The following HIPK2 variants were observed in gnomAD, a reference collection of about 807,000 sequenced individuals.
The protein encoded by HIPK2 is homeodomain interacting protein kinase 2.
In HIPK2, 27 loss-of-function variants were observed where a neutral mutation model predicts 113.7. The observed-to-expected ratio is 0.24, with a 90% CI of 0.17 to 0.33. The LOEUF (loss-of-function observed/expected upper bound fraction) is 0.33, where lower values mean the gene tolerates loss of function less well. Among genes scored for constraint, HIPK2 ranks in the 10% least tolerant of loss-of-function variants. HIPK2 has a pLI of 1.00. For missense variants in HIPK2, 1,257 were observed against 1,588.0 expected, an observed-to-expected ratio of 0.79 and a Z score of 3.54; for synonymous variants, 631 against 642.2, an observed-to-expected ratio of 0.98 and a Z score of 0.26.
At chr7:139,735,915 C>G (rs1011021793) in intron 1 of HIPK2, among the ~76,000 whole-genome samples, 4 of 152,136 alleles carry the variant, frequency 2.6e-5, no homozygotes, top group Non-Finnish European at 5.9e-5. Flanking sequence ...TAAAACAGGA[C>G]CAAACCCATC....
chr7:139,703,766 A>C (rs1230551811), intron 2 of HIPK2, among the ~76,000 whole-genome samples: 12 of 77,368 alleles, frequency 1.6e-4, no homozygotes, highest in Admixed American at 1.4e-3. Context: ...ACACACACCC[A>C]CACACTACAC....
chr7:139,629,263 A>G (rs562041916), intron 4 of HIPK2, among the ~76,000 whole-genome samples: 14 of 152,300 alleles, frequency 9.2e-5, no homozygotes, highest in Admixed American at 8.5e-4. Context: ...GCTCCGGGTC[A>G]GGTATGGAGC....
At chr7:139,772,780 G>A (rs1434236036) in intron 1 of HIPK2, among the ~76,000 whole-genome samples, 1 of 147,450 alleles carries the variant, frequency 6.8e-6, no homozygotes, top group Non-Finnish European at 1.5e-5. Context: ...ATTTTTAGTA[G>A]AGATGGGGTT....
chr7:139,625,503 G>A (rs966738334), intron 6 of HIPK2, among the ~76,000 whole-genome samples: 4 of 152,094 alleles, frequency 2.6e-5, no homozygotes, highest in South Asian at 2.1e-4. Flanking sequence ...TAACATGTAC[G>A]GCCTGCCCTG....
At chr7:139,705,610 C>T (rs1585399950) in intron 2 of HIPK2, among the ~76,000 whole-genome samples, 2 of 152,146 alleles carry the variant, frequency 1.3e-5, no homozygotes, top group East Asian at 3.9e-4. Context: ...ATCTCCTGAC[C>T]TCGTGATCCG....
At chr7:139,709,556 C>T (rs1795002639) in intron 2 of HIPK2, among the ~76,000 whole-genome samples, 1 of 152,156 alleles carries the variant, frequency 6.6e-6, no homozygotes, top group Non-Finnish European at 1.5e-5. Context: ...CTAATGAGGC[C>T]AAGGTCAACC....
intron 1 of HIPK2, 107 bp downstream of exon 1, chr7:139,777,498 C>G: frequency 3.0e-6 from 1 of 336,910 alleles, no homozygotes; most frequent in Non-Finnish European, 4.3e-6. Context: ...CGGGTGGGGG[C>G]TGGGGCAGGC....
At chr7:139,667,890 G>A (rs1802102866) in intron 2 of HIPK2, among the ~76,000 whole-genome samples, 1 of 152,124 alleles carries the variant, frequency 6.6e-6, no homozygotes, top group Non-Finnish European at 1.5e-5. Flanking sequence ...CACTTTGGGA[G>A]GCCGAGATGG....
At chr7:139,735,181 A>G (rs1795903696) in intron 1 of HIPK2, among the ~76,000 whole-genome samples, 1 of 152,212 alleles carries the variant, frequency 6.6e-6, no homozygotes, top group South Asian at 2.1e-4. Context: ...GAATGTTTTC[A>G]TGATTTATAA....
At chr7:139,693,693 T>C (rs1794480226) in intron 2 of HIPK2, among the ~76,000 whole-genome samples, 1 of 151,532 alleles carries the variant, frequency 6.6e-6, no homozygotes, top group African/African-American at 2.4e-5. Flanking sequence ...TGGGATGCTA[T>C]GATGTCTTCC....
chr7:139,754,238 A>G (rs772642992), intron 1 of HIPK2, among the ~76,000 whole-genome samples: 4 of 152,250 alleles, frequency 2.6e-5, no homozygotes, highest in Non-Finnish European at 5.9e-5. Context: ...CATTTTAAGC[A>G]TAAATATCGT....
At chr7:139,656,731 G>A (rs1252361638) in intron 2 of HIPK2, among the ~76,000 whole-genome samples, 1 of 152,074 alleles carries the variant, frequency 6.6e-6, no homozygotes, top group Non-Finnish European at 1.5e-5. Flanking sequence ...TCTTCTTTTA[G>A]GTCTGACCCT....
At chr7:139,667,043 C>T (rs551327400) in intron 2 of HIPK2, among the ~76,000 whole-genome samples, 1 of 150,280 alleles carries the variant, frequency 6.7e-6, no homozygotes, top group East Asian at 2.0e-4. Flanking sequence ...CCAGCCTGGG[C>T]AACAGAGCGA....
intron 1 of HIPK2, among the ~76,000 whole-genome samples, chr7:139,724,004 C>CTT (rs769658116): frequency 0.017 from 2,364 of 137,396 alleles, 50 homozygotes; most frequent in African/African-American, 0.059. Context: ...TGCTACAGAT[C>CTT]TTTTTTTTTT....
At position 139,575,080 on chromosome 7, in the gene HIPK2, A is replaced by G. The variant is rs565801125; in HGVS notation, c.3126+48T>C. ...CAATCCTCTCTGAAGCGGAAGGATG[A>G]GGGGATGGGGGCCCTGCCTGGCCTG... On this transcript the variant is annotated intron_variant, in intron 14 of 14. Coordinates refer to ENST00000406875, the MANE Select transcript of HIPK2 (RefSeq NM_022740.5). 408 of 1,540,734 alleles carry G rather than the reference A, an allele frequency of 2.6e-4. 2 individuals carry two copies. In the African/African-American group the frequency reaches 4.8e-3, roughly 18 times the overall value.
intron 1 of HIPK2, among the ~76,000 whole-genome samples, chr7:139,746,977 T>C (rs920205330): frequency 4.6e-5 from 7 of 152,130 alleles, no homozygotes; most frequent in Non-Finnish European, 1.0e-4. Flanking sequence ...TAAGTAGAGC[T>C]AGAAAAAGAG....
Position 139,604,132 on chromosome 7 carries a change from G to C in HIPK2, c.2204C>G (p.Ala735Gly), listed in dbSNP as rs1434981969. 6.2e-7 allele frequency: 1 copy of C among 1,613,968 alleles called. No homozygotes were observed. The highest frequency in any genetic ancestry group is 1.7e-5 in the Admixed American group (1 of 60,028). The change falls in exon 10 of 15, where the codon GCC becomes GGC. Residue 735 changes from alanine (A) to glycine (G), a missense_variant. Ala to Gly is a moderately conservative substitution (Grantham distance 60, BLOSUM62 0). Transcript: ENST00000406875. The part of the protein sequence containing the change: ...GVATHTSVQH[A>G]TVIPETMAGT... ...TGCCATGGTCTCGGGAATCACGGTGGCATGCTGCACTGATGTGTGGGTGGC... is the reference window on the plus strand; with the variant it reads ...TGCCATGGTCTCGGGAATCACGGTGCCATGCTGCACTGATGTGTGGGTGGC...
At chr7:139,753,374 T>G (rs1159744305) in intron 1 of HIPK2, among the ~76,000 whole-genome samples, 4 of 152,174 alleles carry the variant, frequency 2.6e-5, no homozygotes, top group African/African-American at 9.7e-5. Flanking sequence ...CACGGGAGCC[T>G]TCCTACATGT....
At chr7:139,639,749 C>T (rs560486628) in intron 2 of HIPK2, among the ~76,000 whole-genome samples, 10 of 152,342 alleles carry the variant, frequency 6.6e-5, no homozygotes, top group Admixed American at 1.3e-4. Flanking sequence ...CATGTAGGTG[C>T]TCCATACACA....
Sources: gnomAD v4.1 joint callset for allele counts (sites outside exome capture counted in the v4.1 genomes callset) on GRCh38, gnomAD v4.1.1 for gene constraint, MANE v1.5 for transcripts, NCBI Gene and HGNC (gene_info 2026-07-23, HGNC 2026-07-21) for gene names.